NRXN3: variants seen among roughly 807,000 people sequenced by gnomAD.
NRXN3 encodes the protein neurexin III.
NRXN3 carries 32 observed loss-of-function variants against 137.6 expected under a neutral mutation model. That is an observed-to-expected ratio of 0.23 (90% CI 0.18 to 0.31). NRXN3 has a LOEUF of 0.31. Ranked by LOEUF, NRXN3 falls within the 10% of genes least tolerant of loss-of-function variation. NRXN3 has a pLI of 1.00. For missense variants in NRXN3, 1,574 were observed against 2,062.5 expected (o/e 0.76, Z 4.59); for synonymous variants, 798 against 784.5 (o/e 1.02, Z -0.29).
chr14:79,494,656 A>C (rs2096749546), intron 16 of NRXN3, among the ~76,000 whole-genome samples: 1 of 152,218 alleles, frequency 6.6e-6, no homozygotes, highest in Non-Finnish European at 1.5e-5. Flanking sequence ...CCAGAAATAT[A>C]GTTTTTTAAA....
chr14:78,452,524 T>C (rs1232306563), intron 4 of NRXN3, among the ~76,000 whole-genome samples: 2 of 152,196 alleles, frequency 1.3e-5, no homozygotes, highest in African/African-American at 4.8e-5. Flanking sequence ...TTTTTCTTGG[T>C]ATGAGGAATA....
At chr14:78,446,945 T>A (rs1323394469) in intron 4 of NRXN3, among the ~76,000 whole-genome samples, 1 of 152,230 alleles carries the variant, frequency 6.6e-6, no homozygotes, top group Non-Finnish European at 1.5e-5. Context: ...GAATCCAGCC[T>A]CTGAGCTTTA....
chr14:78,934,693 A>G lies in NRXN3; in HGVS notation c.2276-22549A>G, dbSNP rs1028443967. 3.3e-5 allele frequency among the ~76,000 whole-genome samples: 5 copies of G among 151,816 alleles called. No individual in the cohort carries two copies. In the East Asian group the frequency reaches 9.6e-4, roughly 29 times the overall value. On this transcript the variant is annotated intron_variant, in intron 10 of 20. Coordinates refer to ENST00000335750, the MANE Select transcript of NRXN3 (RefSeq NM_001330195.2). ...GATGAAGCTAGAAACCATCATTCTC[A>G]GCAAACTATCACAAGGAGAAAAAAC...
chr14:78,924,408 A>T (rs1418616496), intron 10 of NRXN3, among the ~76,000 whole-genome samples: 2 of 152,290 alleles, frequency 1.3e-5, no homozygotes, highest in South Asian at 2.1e-4. Context: ...TTAAATGAAG[A>T]AGAGATGATA....
Position 79,795,256 on chromosome 14 carries a change from G to A in NRXN3, c.4015-9856G>A, listed in dbSNP as rs554991357. ...TTATTTTGAATCAATATCTAAGATG[G>A]GTTTATCTATTTACTACTAATTGCA... On this transcript the variant is annotated intron_variant, in intron 19 of 20. Coordinates refer to ENST00000335750, the MANE Select transcript of NRXN3 (RefSeq NM_001330195.2). Among the ~76,000 whole-genome samples, 9 of 152,282 alleles carry A rather than the reference G, an allele frequency of 5.9e-5. No individual in the cohort carries two copies. In the South Asian group the frequency reaches 1.9e-3, roughly 32 times the overall value.
intron 15 of NRXN3, among the ~76,000 whole-genome samples, chr14:79,038,060 A>G (rs1052169172): frequency 3.3e-5 from 5 of 152,136 alleles, no homozygotes; most frequent in African/African-American, 1.2e-4. Flanking sequence ...GGGGGTGTGT[A>G]TGAATATTTG....
chr14:78,283,705 C>T (rs913685367), intron 3 of NRXN3, among the ~76,000 whole-genome samples: 7 of 152,064 alleles, frequency 4.6e-5, no homozygotes, highest in African/African-American at 1.2e-4. Context: ...GACGGGGTTC[C>T]ACCATGTTGG....
chr14:79,438,385 A>G (rs1376821968), intron 15 of NRXN3, among the ~76,000 whole-genome samples: 1 of 152,222 alleles, frequency 6.6e-6, no homozygotes, highest in Non-Finnish European at 1.5e-5. Flanking sequence ...TAGAGGAGGA[A>G]GGTGCCTTGT....
At chr14:78,274,531 G>A (rs1271447497) in intron 2 of NRXN3, among the ~76,000 whole-genome samples, 1 of 152,178 alleles carries the variant, frequency 6.6e-6, no homozygotes. Context: ...AATTCAAGAT[G>A]AGATTTGGAT....
chr14:78,179,088 C>T (rs891968068), intron 1 of NRXN3, among the ~76,000 whole-genome samples: 8 of 152,134 alleles, frequency 5.3e-5, no homozygotes, highest in South Asian at 2.1e-4. Context: ...CATGCACAGC[C>T]TCACTGGTGG....
At chr14:78,585,628 T>G (rs1011656492) in intron 4 of NRXN3, among the ~76,000 whole-genome samples, 3 of 151,854 alleles carry the variant, frequency 2.0e-5, no homozygotes, top group African/African-American at 7.3e-5. Context: ...CTATGCTTGA[T>G]GGGGTTGTTG....
chr14:79,240,900 T>C (rs940353143), intron 15 of NRXN3, among the ~76,000 whole-genome samples: 6 of 152,178 alleles, frequency 3.9e-5, no homozygotes, highest in Non-Finnish European at 7.4e-5. Context: ...AGGTGCAGAA[T>C]CTAGAAGTGA....
At chr14:79,154,775 A>G (rs759058514) in intron 15 of NRXN3, among the ~76,000 whole-genome samples, 14 of 151,948 alleles carry the variant, frequency 9.2e-5, no homozygotes, top group Non-Finnish European at 2.1e-4. Flanking sequence ...CTACATTATC[A>G]TTAAACTACT....
chr14:78,540,017 T>A (rs2096573228), intron 4 of NRXN3, among the ~76,000 whole-genome samples: 1 of 152,192 alleles, frequency 6.6e-6, no homozygotes, highest in African/African-American at 2.4e-5. Flanking sequence ...GAGGAGTGCT[T>A]TACTCCCAAT....
At chr14:78,888,617 C>T (rs575030687) in intron 10 of NRXN3, among the ~76,000 whole-genome samples, 81 of 152,096 alleles carry the variant, frequency 5.3e-4, no homozygotes, top group African/African-American at 1.6e-3. Context: ...TCCTCACCCA[C>T]GTCAGTTTTT....
intron 18 of NRXN3, 33 bp from the exon 19 acceptor site, chr14:79,697,597 G>A: frequency 6.3e-7 from 1 of 1,597,066 alleles, no homozygotes; most frequent in South Asian, 1.1e-5. Flanking sequence ...AAACGTATGA[G>A]AATAATAATG....
intron 4 of NRXN3, among the ~76,000 whole-genome samples, chr14:78,423,459 T>A (rs1462629772): frequency 6.6e-6 from 1 of 152,136 alleles, no homozygotes; most frequent in Non-Finnish European, 1.5e-5. Flanking sequence ...GGTACATTAT[T>A]TTGGAAATTT....
intron 4 of NRXN3, among the ~76,000 whole-genome samples, chr14:78,331,379 A>G (rs1295377895): frequency 6.6e-6 from 1 of 152,204 alleles, no homozygotes; most frequent in African/African-American, 2.4e-5. Context: ...GTATTACCTC[A>G]TCAGCATTTA....
chr14:79,861,663 C>A lies in NRXN3; in HGVS notation c.4415C>A (p.Ala1472Glu), dbSNP rs2099414043. Residue 1472 changes from alanine (A) to glutamate (E), a missense_variant, in exon 21 of 21, where the codon GCA becomes GAA. This residue lies in a region of NRXN3 where 320 missense variants were observed against 387.1 expected (regional missense o/e 0.83). Coordinates refer to ENST00000335750, the MANE Select transcript of NRXN3 (RefSeq NM_001330195.2). This position sits in a 1 kb window ranked among gnomAD's most constrained non-coding sequence, Gnocchi z 5.4. ...TSPMFRNVPT[A>E]NPTEPGIRRV... ...CCCATGTTCCGTAATGTGCCCACAG[C>A]AAACCCCACGGAGCCGGGAATCAGA... 1 of 1,614,188 alleles carries A rather than the reference C, an allele frequency of 6.2e-7. No individual in the cohort carries two copies. The highest frequency in any genetic ancestry group is 8.5e-7 in the Non-Finnish European group (1 of 1,180,042).
Sources: gnomAD v4.1 joint callset for allele counts (sites outside exome capture counted in the v4.1 genomes callset) on GRCh38, gnomAD v4.1.1 for gene constraint, gnomAD v4.1.1 regional missense constraint, Gnocchi (gnomAD v3.1) non-coding constraint, MANE v1.5 for transcripts, NCBI Gene and HGNC (gene_info 2026-07-23, HGNC 2026-07-21) for gene names.